The following GPHN variants were observed in gnomAD, a reference collection of about 807,000 sequenced individuals.
GPHN encodes gephyrin.
A neutral mutation model predicts 95.5 loss-of-function variants in GPHN; 17 were observed. The ratio of observed to expected loss-of-function variants is 0.18; its 90% CI spans 0.12 to 0.27. GPHN has a LOEUF of 0.27. Among genes scored for constraint, GPHN ranks in the 10% least tolerant of loss-of-function variants. The pLI is 1.00. For missense variants in GPHN, 660 were observed against 978.1 expected, an observed-to-expected ratio of 0.67 and a Z score of 4.34; for synonymous variants, 320 against 322.5, an observed-to-expected ratio of 0.99 and a Z score of 0.08.
the GPHN span, among the ~76,000 whole-genome samples, chr14:67,273,012 T>G: frequency 6.7e-6 from 1 of 149,680 alleles, no homozygotes; most frequent in Non-Finnish European, 1.5e-5. Flanking sequence ...TTCTTCATTC[T>G]CACTGTCCTA....
the GPHN span, among the ~76,000 whole-genome samples, chr14:67,375,222 A>G: frequency 1.4e-5 from 2 of 147,276 alleles, no homozygotes; most frequent in Non-Finnish European, 3.0e-5. Context: ...CATCCTCTAC[A>G]TCCTCAGTTC....
the GPHN span, chr14:67,684,925 T>C: frequency 5.9e-6 from 6 of 1,016,106 alleles, no homozygotes; most frequent in Admixed American, 2.4e-5. Flanking sequence ...TATGAGACAA[T>C]GTACTTTTAA....
intron 17 of GPHN, among the ~76,000 whole-genome samples, chr14:67,128,310 G>T (rs987659639): frequency 6.6e-6 from 1 of 151,320 alleles, no homozygotes; most frequent in Non-Finnish European, 1.5e-5. Context: ...AGGCTGGGGT[G>T]CAGTGGCGTG....
At position 66,851,315 on chromosome 14, in the gene GPHN, C is replaced by G. The variant is rs533460523; in HGVS notation, c.294+26749C>G. On this transcript the variant is annotated intron_variant, in intron 4 of 22. Transcript: ENST00000478722. ...GTCACAGCTCAATCCTCAAGTGTAA[C>G]TACAACTTTGACTTTTAGCACTACA... Among the ~76,000 whole-genome samples the G allele has an allele frequency of 3.9e-5, 6 of 152,110 alleles. No homozygotes were observed. The East Asian group carries it at 1.2e-3, about 29-fold the overall frequency.
At chr14:66,914,441 G>T (rs117940981) in intron 5 of GPHN, among the ~76,000 whole-genome samples, 1,831 of 152,146 alleles carry the variant, frequency 0.012, 19 homozygotes, top group Non-Finnish European at 0.018. Flanking sequence ...GAACTTACTG[G>T]ATAAAATTAC....
At chr14:66,790,169 C>G (rs2059921680) in intron 3 of GPHN, among the ~76,000 whole-genome samples, 1 of 152,132 alleles carries the variant, frequency 6.6e-6, no homozygotes, top group Admixed American at 6.5e-5. Flanking sequence ...TTAAAAATCT[C>G]TTATTACCCA....
the GPHN span, chr14:67,200,411 G>A: frequency 3.6e-6 from 2 of 558,888 alleles, no homozygotes; most frequent in Non-Finnish European, 3.2e-6. Context: ...AGCTCCTTGG[G>A]GCTAAGGCAC....
chr14:67,010,203 G>A (rs1281467205), intron 9 of GPHN, among the ~76,000 whole-genome samples: 3 of 152,032 alleles, frequency 2.0e-5, no homozygotes, highest in African/African-American at 7.2e-5. Flanking sequence ...AATAAGGATG[G>A]TGAACTGAAG....
At chr14:66,947,601 A>C (rs1165656615) in intron 8 of GPHN, among the ~76,000 whole-genome samples, 1 of 152,154 alleles carries the variant, frequency 6.6e-6, no homozygotes, top group Non-Finnish European at 1.5e-5. Context: ...AATGTCTATT[A>C]ATTAAATTCT....
At chr14:66,876,306 TA>T (rs1397881787) in intron 4 of GPHN, among the ~76,000 whole-genome samples, 1 of 152,058 alleles carries the variant, frequency 6.6e-6, no homozygotes, top group East Asian at 1.9e-4. Context: ...GGGAAAGATC[TA>T]AAATCAACAC....
At chr14:67,362,609 G>T in the GPHN span, among the ~76,000 whole-genome samples, 9 of 152,292 alleles carry the variant, frequency 5.9e-5, no homozygotes, top group Admixed American at 4.6e-4. Flanking sequence ...CACAAGGCTA[G>T]AGTTGTTCCC....
intron 3 of GPHN, among the ~76,000 whole-genome samples, chr14:66,797,939 A>C (rs1391197024): frequency 6.6e-6 from 1 of 151,932 alleles, no homozygotes; most frequent in Non-Finnish European, 1.5e-5. Flanking sequence ...TTCCCCATTC[A>C]TTATGATACT....
intron 9 of GPHN, among the ~76,000 whole-genome samples, chr14:67,015,436 A>C (rs112033107): frequency 0.016 from 2,382 of 152,218 alleles, 33 homozygotes; most frequent in Non-Finnish European, 0.018. Flanking sequence ...CTGTGGCTCA[A>C]GCCTGTAATC....
At chr14:67,476,696 C>T in the GPHN span, among the ~76,000 whole-genome samples, 2 of 152,146 alleles carry the variant, frequency 1.3e-5, no homozygotes, top group African/African-American at 4.8e-5. Context: ...ATTATTTACC[C>T]CATATCCCAG....
intron 21 of GPHN, among the ~76,000 whole-genome samples, chr14:67,176,391 A>G (rs2082950455): frequency 6.6e-6 from 1 of 152,110 alleles, no homozygotes; most frequent in Non-Finnish European, 1.5e-5. Context: ...ATTGATTTGC[A>G]TATGTTGAAC....
At chr14:66,675,166 G>A (rs1382489288) in intron 1 of GPHN, among the ~76,000 whole-genome samples, 7 of 119,754 alleles carry the variant, frequency 5.8e-5, no homozygotes, top group African/African-American at 1.0e-4. Context: ...TTTTTTTGAC[G>A]GAGTTTTACG....
At chr14:67,058,862 A>T in intron 11 of GPHN, 76 bp downstream of exon 11, 1 of 1,222,532 alleles carries the variant, frequency 8.2e-7, no homozygotes, top group South Asian at 1.2e-5. Flanking sequence ...ATTAATGCAC[A>T]GTTTTCCTGA....
At chr14:67,083,967 C>T (rs1033120999) in intron 11 of GPHN, among the ~76,000 whole-genome samples, 9 of 152,144 alleles carry the variant, frequency 5.9e-5, no homozygotes, top group African/African-American at 2.2e-4. Context: ...TTAATGCACT[C>T]ATTCATTGAC....
the GPHN span, chr14:67,725,991 G>A: frequency 7.4e-5 from 85 of 1,146,556 alleles, 3 homozygotes; most frequent in South Asian, 9.9e-4. Context: ...ATGCAGGTCT[G>A]TTACAGGCAG....
Sources: allele counts gnomAD v4.1 joint callset (sites outside exome capture counted in the v4.1 genomes callset), GRCh38; gene constraint gnomAD v4.1.1; transcripts MANE v1.5; gene names NCBI Gene and HGNC (gene_info 2026-07-23, HGNC 2026-07-21).